The following CABYR variants were observed in gnomAD, a reference collection of about 807,000 sequenced individuals.
The protein encoded by CABYR is calcium binding tyrosine phosphorylation regulated, also known as calcium-binding tyrosine phosphorylation-regulated protein.
A neutral mutation model predicts 36.1 loss-of-function variants in CABYR; 31 were observed. That is an observed-to-expected ratio of 0.86 (90% confidence interval 0.64 to 1.16). The LOEUF is 1.16. Among genes scored for constraint, CABYR ranks in the 50% most tolerant of loss-of-function variants. CABYR has a pLI of 0.00. For missense variants in CABYR, 429 were observed against 455.8 expected, an observed-to-expected ratio of 0.94 and a Z score of 0.53; for synonymous variants, 146 against 160.7, an observed-to-expected ratio of 0.91 and a Z score of 0.69.
intron 3 of CABYR, chr18:24,150,643 C>T: frequency 1.2e-6 from 1 of 829,952 alleles, no homozygotes; most frequent in Non-Finnish European, 1.5e-6. Context: ...TATTCTCATT[C>T]CAATCAGTTC....
chr18:24,159,581 T>C lies in CABYR; in HGVS notation c.651T>C (p.Pro217=), dbSNP rs1555621642. The change falls in exon 5 of 6, where the codon CCT becomes CCC. Residue 217 remains proline (P), a synonymous_variant. Coordinates refer to ENST00000399496, the MANE Select transcript of CABYR (RefSeq NM_153769.3). ...GTCACCCATCACCGCCACCTGCACCTGGGCCTTTTCCCCAAGCAACCCTCT... is the reference window on the plus strand; with the variant it reads ...GTCACCCATCACCGCCACCTGCACCCGGGCCTTTTCCCCAAGCAACCCTCT... ...QQGHPSPPPA[P]GPFPQATLYL... 6.2e-7 allele frequency: 1 copy of C among 1,614,118 alleles called. No homozygotes were observed. The highest frequency in any genetic ancestry group is 8.5e-7 in the Non-Finnish European group (1 of 1,180,020).
Position 24,156,533 on chromosome 18 carries a change from C to A in CABYR, c.541+491C>A. 1.9e-6 allele frequency: 3 copies of A among 1,614,092 alleles called. No individual in the cohort carries two copies. The South Asian group carries it at 3.3e-5, about 18-fold the overall frequency. ...ATGAGCAGTCACCACGAGTTAGTCCCAAATCTGTAGTAGAAAAGACCACCT... is the reference window on the plus strand; with the variant it reads ...ATGAGCAGTCACCACGAGTTAGTCCAAAATCTGTAGTAGAAAAGACCACCT... On this transcript the variant is annotated intron_variant, in intron 4 of 5. Coordinates refer to ENST00000399496, the MANE Select transcript of CABYR (RefSeq NM_153769.3).
chr18:24,159,777 T>C lies in CABYR; in HGVS notation c.847T>C (p.Ser283Pro). Residue 283 changes from serine to proline, a missense_variant, in exon 5 of 6, where the codon TCA (serine) becomes CCA (proline). Physicochemically the swap from Ser to Pro is moderately conservative, Grantham distance 74 (BLOSUM62 -1). Transcript: ENST00000399496. ...ACCTCTTCCTGGACATGCTGTCGTT[T>C]CACAGTCAGATGTCTTGAGATATGT... ...WKPLPGHAVV[S>P]QSDVLRYVAM... 6.2e-7 allele frequency: 1 copy of C among 1,614,128 alleles called. No individual in the cohort carries two copies. Among genetic ancestry groups the C allele is most frequent in the Middle Eastern group, 1.7e-4 (1 of 6,060 alleles).
intron 5 of CABYR, 119 bp downstream of exon 5, chr18:24,160,188 A>ATACTC: frequency 1.3e-6 from 1 of 755,926 alleles, no homozygotes; most frequent in East Asian, 2.5e-5. Flanking sequence ...AAGTTGGGGT[A>ATACTC]TACTCTAACT....
chr18:24,143,554 T>C, intron 3 of CABYR, 141 bp downstream of exon 3: 1 of 301,138 alleles, frequency 3.3e-6, no homozygotes, highest in Non-Finnish European at 5.7e-6. Flanking sequence ...AATATATATA[T>C]ATATATTTTT....
intron 1 of CABYR, among the ~76,000 whole-genome samples, chr18:24,142,547 T>A (rs937067905): frequency 6.6e-6 from 1 of 152,088 alleles, no homozygotes; most frequent in South Asian, 2.1e-4. Flanking sequence ...TTGTTTTTAA[T>A]GTCCTCAGGG....
intron 3 of CABYR, among the ~76,000 whole-genome samples, chr18:24,154,583 T>G (rs1242902761): frequency 6.6e-6 from 1 of 152,274 alleles, no homozygotes; most frequent in Non-Finnish European, 1.5e-5. Context: ...AGAATGCAGC[T>G]GAACCTATTG....
At chr18:24,156,966 G>A in intron 4 of CABYR, 1 of 1,609,644 alleles carries the variant, frequency 6.2e-7, no homozygotes, top group Non-Finnish European at 8.5e-7. Flanking sequence ...ACCAGAAGGG[G>A]AATCAACAGC....
chr18:24,142,023 C>G (rs1355004996), intron 1 of CABYR, among the ~76,000 whole-genome samples: 3 of 152,102 alleles, frequency 2.0e-5, no homozygotes, highest in African/African-American at 7.2e-5. Flanking sequence ...CTAAAAAATG[C>G]ACACTTAAAC....
intron 1 of CABYR, chr18:24,140,374 A>G (rs1370332912): frequency 6.6e-6 from 1 of 152,252 alleles, no homozygotes; most frequent in Non-Finnish European, 1.5e-5. Flanking sequence ...TATGCCCCTT[A>G]GCATTTAGCA....
intron 4 of CABYR, chr18:24,156,805 A>C (rs981118678): frequency 6.8e-6 from 11 of 1,614,000 alleles, no homozygotes; most frequent in African/African-American, 2.7e-5. Flanking sequence ...GGGCAGGAGG[A>C]GTCTGGGGAA....
chr18:24,140,353 G>A (rs2085282187), intron 1 of CABYR: 1 of 152,184 alleles, frequency 6.6e-6, no homozygotes, highest in Admixed American at 6.5e-5. Flanking sequence ...TATCAAACAT[G>A]TCATGCTGCC....
In CABYR at chr18:24,159,511, C is replaced by T. The variant is rs754039526; in HGVS notation, c.581C>T (p.Ser194Phe). 1 of 1,614,052 alleles carries T rather than the reference C, an allele frequency of 6.2e-7. No homozygotes were observed. Among genetic ancestry groups the T allele is most frequent in the East Asian group, 2.2e-5 (1 of 44,886 alleles). Residue 194 changes from serine to phenylalanine, a missense_variant, in exon 5 of 6, where the codon TCT becomes TTT. By Grantham distance (155) the Ser-to-Phe change is radical. Coordinates refer to ENST00000399496, the MANE Select transcript of CABYR (RefSeq NM_153769.3). Reference protein sequence around the residue: ...TSERGQPPPCSNMWTLYCLTD... With the variant: ...TSERGQPPPCFNMWTLYCLTD... ...GAACGAGGACAACCACCACCATGTT[C>T]TAACATGTGGACCCTTTATTGTCTA...
chr18:24,154,128 A>AAAT (rs2085710923), intron 3 of CABYR, among the ~76,000 whole-genome samples: 15 of 147,944 alleles, frequency 1.0e-4, no homozygotes, highest in Middle Eastern at 3.5e-3. Context: ...AAAAAAAAAA[A>AAAT]TTTTTCCCCT....
At chr18:24,145,106 C>T (rs1045653657) in intron 3 of CABYR, among the ~76,000 whole-genome samples, 8 of 152,222 alleles carry the variant, frequency 5.3e-5, no homozygotes, top group African/African-American at 1.9e-4. Flanking sequence ...TATGTTCCTT[C>T]TCCCTCCAGG....
At chr18:24,147,162 G>A (rs1429222138) in intron 3 of CABYR, among the ~76,000 whole-genome samples, 2 of 147,824 alleles carry the variant, frequency 1.4e-5, no homozygotes, top group Non-Finnish European at 3.0e-5. Flanking sequence ...GGGCATGGTG[G>A]CACACACCTG....
chr18:24,151,653 T>G (rs1359142762), intron 3 of CABYR, among the ~76,000 whole-genome samples: 1 of 151,112 alleles, frequency 6.6e-6, no homozygotes, highest in Non-Finnish European at 1.5e-5. Flanking sequence ...TTTCATGTAT[T>G]CCAAACAAAG....
intron 4 of CABYR, 42 bp from the exon 5 acceptor site, chr18:24,159,430 C>G: frequency 7.0e-7 from 1 of 1,425,448 alleles, no homozygotes; most frequent in Non-Finnish European, 9.8e-7. Context: ...GTGCCTGATA[C>G]AGAGACCAAA....
At chr18:24,150,371 T>A (rs532252394) in intron 3 of CABYR, among the ~76,000 whole-genome samples, 1 of 152,336 alleles carries the variant, frequency 6.6e-6, no homozygotes, top group Non-Finnish European at 1.5e-5. Flanking sequence ...TACTAGCCAC[T>A]TTCACACGTT....
Sources: gnomAD v4.1 joint callset for allele counts (sites outside exome capture counted in the v4.1 genomes callset) on GRCh38, gnomAD v4.1.1 for gene constraint, MANE v1.5 for transcripts, NCBI Gene and HGNC (gene_info 2026-07-23, HGNC 2026-07-21) for gene names.